EPG5: variants seen among roughly 807,000 people sequenced by gnomAD.
The protein encoded by EPG5 is ectopic P granules protein 5 homolog.
In EPG5, 159 loss-of-function variants were observed where a neutral mutation model predicts 302.7. The ratio of observed to expected loss-of-function variants is 0.53; its 90% confidence interval spans 0.46 to 0.60. EPG5 has a LOEUF of 0.60. Among genes scored for constraint, EPG5 ranks in the 20% least tolerant of loss-of-function variants. The pLI is 0.00. For missense variants in EPG5, 2,896 were observed against 3,092.4 expected (o/e 0.94, Z 1.51); for synonymous variants, 1,158 against 1,136.8 (o/e 1.02, Z -0.37).
At chr18:45,817,833 T>C in the EPG5 span, among the ~76,000 whole-genome samples, 2 of 152,348 alleles carry the variant, frequency 1.3e-5, no homozygotes, top group East Asian at 1.9e-4. Flanking sequence ...TTCTATTCAT[T>C]AGAGGTGAGT....
chr18:45,876,808 G>A (rs2048980112), intron 34 of EPG5, among the ~76,000 whole-genome samples: 1 of 150,882 alleles, frequency 6.6e-6, no homozygotes, highest in African/African-American at 2.4e-5. Flanking sequence ...TTGAGAGAGA[G>A]AGTCTTTCTC....
intron 29 of EPG5, among the ~76,000 whole-genome samples, chr18:45,887,283 C>A (rs1378490393): frequency 1.3e-5 from 2 of 152,170 alleles, no homozygotes; most frequent in African/African-American, 4.8e-5. Context: ...GGAGGTGGAG[C>A]AAGCACTGAG....
chr18:45,811,594 A>G, the EPG5 span, among the ~76,000 whole-genome samples: 1 of 152,240 alleles, frequency 6.6e-6, no homozygotes, highest in African/African-American at 2.4e-5. Context: ...CATCCCTGAG[A>G]TACAAGGCTG....
At chr18:45,820,622 C>CCT in the EPG5 span, among the ~76,000 whole-genome samples, 62,116 of 151,768 alleles carry the variant, frequency 0.41, 13,048 homozygotes, top group East Asian at 0.54. Flanking sequence ...GAGATTGACA[C>CCT]CTCTGTTCCA....
chr18:45,811,481 C>G, the EPG5 span, among the ~76,000 whole-genome samples: 1 of 152,144 alleles, frequency 6.6e-6, no homozygotes, highest in East Asian at 1.9e-4. Flanking sequence ...AATTTTAGAC[C>G]AATATCCCTG....
intron 39 of EPG5, among the ~76,000 whole-genome samples, chr18:45,864,974 G>A (rs1339782519): frequency 1.3e-5 from 2 of 152,090 alleles, no homozygotes; most frequent in African/African-American, 2.4e-5. Context: ...ATTATGCATC[G>A]GATTTCCTTT....
At chr18:45,940,258 G>A (rs1233468984) in intron 9 of EPG5, among the ~76,000 whole-genome samples, 1 of 152,214 alleles carries the variant, frequency 6.6e-6, no homozygotes, top group Admixed American at 6.5e-5. Context: ...GTGCTGAGAG[G>A]TAGACTGGCT....
chr18:45,957,660 C>T (rs1290922670), intron 1 of EPG5, among the ~76,000 whole-genome samples: 3 of 152,226 alleles, frequency 2.0e-5, no homozygotes, highest in Non-Finnish European at 4.4e-5. Flanking sequence ...CTGGCATCAT[C>T]TTCAAACATC....
the EPG5 span, chr18:45,839,194 G>A: frequency 7.6e-7 from 1 of 1,321,958 alleles, no homozygotes. Flanking sequence ...CTGCCAGAAT[G>A]TCGGTTTTTT....
Position 45,884,727 on chromosome 18 carries a change from G to C in EPG5, c.5194C>G (p.Pro1732Ala). Reference protein sequence around the residue: ...KNSRLCSLLSPFFTPNAAPAE... With the variant: ...KNSRLCSLLSAFFTPNAAPAE... ...GGTGCAGCATTGGGAGTGAAGAAAGGAGACAGCAGGGAGCAGAGCCTGCTG... is the reference window on the plus strand; with the variant it reads ...GGTGCAGCATTGGGAGTGAAGAAAGCAGACAGCAGGGAGCAGAGCCTGCTG... The change falls in exon 30 of 44, where the codon CCT becomes GCT. Residue 1732 changes from proline to alanine, a missense_variant. By Grantham distance (27) the Pro-to-Ala change is conservative (BLOSUM62 -1). This residue lies in a region of EPG5 where 790 missense variants were observed against 798.0 expected (regional missense o/e 0.99). Coordinates refer to ENST00000282041, the MANE Select transcript of EPG5 (RefSeq NM_020964.3). 1.2e-6 allele frequency: 2 copies of C among 1,611,254 alleles called. No homozygotes were observed. Among genetic ancestry groups the C allele is most frequent in the Non-Finnish European group, 1.7e-6 (2 of 1,178,966 alleles).
chr18:45,871,932 C>CT (rs2048880090), intron 35 of EPG5, among the ~76,000 whole-genome samples: 1 of 152,138 alleles, frequency 6.6e-6, no homozygotes, highest in African/African-American at 2.4e-5. Context: ...AGAGAACCAA[C>CT]TTTAAATGTC....
At chr18:45,915,913 A>G in intron 19 of EPG5, 96 bp downstream of exon 19, 1 of 1,114,812 alleles carries the variant, frequency 9.0e-7, no homozygotes, top group Non-Finnish European at 1.3e-6. Context: ...TAATGGCCAC[A>G]GAGTAGAACT....
At position 45,897,259 on chromosome 18, in the gene EPG5, T is replaced by A. The variant is rs192855169; in HGVS notation, c.4809+2145A>T. Reference sequence around the variant, plus strand: ...TTACAGTTCTTCACAGAGCAAGCCATCAGCCAGAACTGGAAAAACATTTCT... The same window carrying A: ...TTACAGTTCTTCACAGAGCAAGCCAACAGCCAGAACTGGAAAAACATTTCT... On this transcript the variant is annotated intron_variant, in intron 27 of 43. Coordinates refer to ENST00000282041, the MANE Select transcript of EPG5 (RefSeq NM_020964.3). Among the ~76,000 whole-genome samples, 27 of 152,330 alleles carry A rather than the reference T, an allele frequency of 1.8e-4. No homozygotes were observed. The South Asian group carries it at 4.8e-3, about 27-fold the overall frequency.
At chr18:45,937,295 T>A (rs9948988) in intron 10 of EPG5, among the ~76,000 whole-genome samples, 22,384 of 140,446 alleles carry the variant, frequency 0.16, 2,426 homozygotes, top group East Asian at 0.31. Flanking sequence ...TACACACACA[T>A]ACACGTATAT....
At chr18:45,808,310 G>T in the EPG5 span, among the ~76,000 whole-genome samples, 1 of 152,116 alleles carries the variant, frequency 6.6e-6, no homozygotes, top group East Asian at 1.9e-4. Flanking sequence ...CTATTTGGGG[G>T]AATAATCAAG....
At chr18:45,825,038 T>A in the EPG5 span, among the ~76,000 whole-genome samples, 1 of 151,368 alleles carries the variant, frequency 6.6e-6, no homozygotes, top group Non-Finnish European at 1.5e-5. Flanking sequence ...CACAGTTGGG[T>A]CAACTGCTCA....
chr18:45,890,052 T>A (rs2049307772), intron 27 of EPG5, 112 bp from the exon 28 acceptor site: 1 of 821,522 alleles, frequency 1.2e-6, no homozygotes, highest in South Asian at 2.1e-5. Context: ...AATTTGTATC[T>A]CTTTATATGA....
intron 13 of EPG5, among the ~76,000 whole-genome samples, chr18:45,926,655 C>T (rs966815852): frequency 3.3e-5 from 5 of 151,742 alleles, no homozygotes; most frequent in African/African-American, 1.2e-4. Context: ...GGTGAAACCT[C>T]GTCTCTACTA....
Position 45,927,478 on chromosome 18 carries a change from A to G in EPG5, c.2553+1391T>C, listed in dbSNP as rs2050297692. On this transcript the variant is annotated intron_variant, in intron 13 of 43. Coordinates refer to ENST00000282041, the MANE Select transcript of EPG5 (RefSeq NM_020964.3). ...TCACATGCCCAAAAGAAGTGAAAGC[A>G]AGGCCCGAAAGAGATATTGGTACAT... 2.0e-5 allele frequency among the ~76,000 whole-genome samples: 3 copies of G among 152,192 alleles called. No individual in the cohort carries two copies. The South Asian group carries it at 6.2e-4, about 32-fold the overall frequency.
Sources: allele counts gnomAD v4.1 joint callset (sites outside exome capture counted in the v4.1 genomes callset), GRCh38; gene constraint gnomAD v4.1.1; regional missense constraint gnomAD v4.1.1; transcripts MANE v1.5; gene names NCBI Gene and HGNC (gene_info 2026-07-23, HGNC 2026-07-21).